PNKD: variants seen among roughly 807,000 people sequenced by gnomAD.
PNKD encodes probable thioesterase PNKD.
Under a neutral mutation model 45.3 loss-of-function variants are expected in PNKD, and 36 were observed. The ratio of observed to expected loss-of-function variants is 0.80; its 90% confidence interval spans 0.61 to 1.05. The LOEUF is 1.05. Among genes scored for constraint, PNKD ranks in the 50% least tolerant of loss-of-function variants. The pLI, the probability that PNKD is intolerant of heterozygous loss-of-function variation, is 0.00. For missense variants in PNKD, 511 were observed against 506.6 expected (o/e 1.01, Z -0.08); for synonymous variants, 197 against 210.1 (o/e 0.94, Z 0.54).
chr2:218,293,256 A>G, intron 2 of PNKD, among the ~76,000 whole-genome samples: 1 of 152,230 alleles, frequency 6.6e-6, no homozygotes, highest in Admixed American at 6.5e-5. Flanking sequence ...ATGCAGTAGC[A>G]AAGGAGGAAA....
intron 2 of PNKD, chr2:218,282,321 T>C: frequency 1.9e-6 from 1 of 535,882 alleles, no homozygotes; most frequent in East Asian, 3.5e-5. Flanking sequence ...CAGCGTGTGA[T>C]TTGCTGTCCA....
chr2:218,297,340 A>G (rs1479105683), intron 2 of PNKD, among the ~76,000 whole-genome samples: 1 of 152,242 alleles, frequency 6.6e-6, no homozygotes, highest in Non-Finnish European at 1.5e-5. Flanking sequence ...GTTTTGTTCC[A>G]GCTTTGGCAC....
chr2:218,337,122 A>G (rs891074708), intron 2 of PNKD, among the ~76,000 whole-genome samples: 1 of 142,130 alleles, frequency 7.0e-6, no homozygotes, highest in East Asian at 2.1e-4. Flanking sequence ...CTTTTTTTTT[A>G]TTGAGATGGA....
intron 2 of PNKD, among the ~76,000 whole-genome samples, chr2:218,322,756 G>A (rs1694021931): frequency 6.6e-6 from 1 of 152,260 alleles, no homozygotes; most frequent in Non-Finnish European, 1.5e-5. Context: ...GTGGGCTCCA[G>A]GAATGCAGAC....
At chr2:218,285,751 A>T (rs1692454490) in intron 2 of PNKD, 1 of 152,756 alleles carries the variant, frequency 6.5e-6, no homozygotes, top group African/African-American at 2.4e-5. Context: ...TGCTAAACTC[A>T]GCCACACTCA....
intron 2 of PNKD, among the ~76,000 whole-genome samples, chr2:218,338,289 T>C (rs1694560197): frequency 6.7e-6 from 1 of 148,512 alleles, no homozygotes; most frequent in Non-Finnish European, 1.5e-5. Flanking sequence ...GGCAAAACCC[T>C]GTCTCTACTA....
intron 2 of PNKD, chr2:218,282,288 C>A: frequency 1.6e-6 from 1 of 630,958 alleles, no homozygotes. Flanking sequence ...GAGAGGAACA[C>A]CACCTATTTT....
chr2:218,279,652 C>A, intron 2 of PNKD: 2 of 488,968 alleles, frequency 4.1e-6, no homozygotes, highest in Non-Finnish European at 7.3e-6. Flanking sequence ...GCTCAGTCTG[C>A]ACGCTCTATG....
At chr2:218,323,062 C>A in intron 2 of PNKD, 1 of 784,434 alleles carries the variant, frequency 1.3e-6, no homozygotes, top group Non-Finnish European at 1.7e-6. Flanking sequence ...CGGAGCCAGG[C>A]CGCCCCCCAA....
chr2:218,329,323 G>A (rs538733322), intron 2 of PNKD, among the ~76,000 whole-genome samples: 236 of 152,310 alleles, frequency 1.5e-3, no homozygotes, highest in African/African-American at 5.3e-3. Context: ...GAGCATGATC[G>A]AATCAGGAAG....
At chr2:218,294,491 C>A (rs935075473) in intron 2 of PNKD, among the ~76,000 whole-genome samples, 22 of 152,178 alleles carry the variant, frequency 1.4e-4, no homozygotes, top group African/African-American at 2.4e-4. Context: ...ACCGCCCCCC[C>A]ACCAGCCTTC....
chr2:218,290,615 G>A (rs1692871065), intron 2 of PNKD, among the ~76,000 whole-genome samples: 1 of 152,218 alleles, frequency 6.6e-6, no homozygotes, highest in Admixed American at 6.5e-5. Context: ...AGCTACCACA[G>A]AACCAGGAAA....
At chr2:218,291,981 G>A (rs1193205787) in intron 2 of PNKD, among the ~76,000 whole-genome samples, 5 of 145,074 alleles carry the variant, frequency 3.4e-5, no homozygotes, top group South Asian at 4.5e-4. Context: ...TGTCTACACC[G>A]AGACTGGCCT....
intron 1 of PNKD, 61 bp from the exon 2 acceptor site, chr2:218,271,320 C>A: frequency 6.9e-7 from 1 of 1,458,970 alleles, no homozygotes. Flanking sequence ...TACTGCCCCC[C>A]ACCTCCCCGC....
intron 2 of PNKD, chr2:218,275,318 T>C (rs1691083294): frequency 4.1e-6 from 4 of 981,658 alleles, no homozygotes; most frequent in South Asian, 3.9e-5. Context: ...CACACATCCA[T>C]AGCCAGAGAG....
intron 2 of PNKD, among the ~76,000 whole-genome samples, chr2:218,338,216 T>C (rs1694557675): frequency 6.6e-6 from 1 of 151,816 alleles, no homozygotes; most frequent in African/African-American, 2.4e-5. Flanking sequence ...ATCCCAGCAC[T>C]TTGAAAGGCC....
intron 2 of PNKD, among the ~76,000 whole-genome samples, chr2:218,303,470 G>C (rs1361413345): frequency 6.6e-6 from 1 of 152,018 alleles, no homozygotes; most frequent in Non-Finnish European, 1.5e-5. Flanking sequence ...CCCGAGAGCA[G>C]GAAGGCCTTG....
intron 2 of PNKD, among the ~76,000 whole-genome samples, chr2:218,311,823 T>C (rs895858563): frequency 1.3e-5 from 2 of 152,194 alleles, no homozygotes; most frequent in African/African-American, 4.8e-5. Context: ...TGTCAGGCCT[T>C]ATGGTAAGGT....
intron 2 of PNKD, chr2:218,284,168 GAA>G (rs71064427): frequency 4.7e-5 from 6 of 128,988 alleles, no homozygotes; most frequent in East Asian, 2.3e-4. Context: ...CATCTCAAAA[GAA>G]AAAAAAAAAA....
Sources: gnomAD v4.1 joint callset for allele counts (sites outside exome capture counted in the v4.1 genomes callset) on GRCh38, gnomAD v4.1.1 for gene constraint, MANE v1.5 for transcripts, NCBI Gene and HGNC (gene_info 2026-07-23, HGNC 2026-07-21) for gene names.